Variants in LOC128462377 observed in about 807,000 individuals in gnomAD.
the LOC128462377 span, chr16:89,392,513 T>C: frequency 6.6e-6 from 1 of 151,982 alleles, no homozygotes. Flanking sequence ...CCAGTTCATG[T>C]TTTCCATGAG....
the LOC128462377 span, among the ~76,000 whole-genome samples, chr16:89,382,394 C>T: frequency 8.5e-3 from 1,296 of 152,140 alleles, 39 homozygotes; most frequent in East Asian, 0.034. Context: ...GGTGCAATCT[C>T]GGCTCACTGC....
At chr16:89,350,856 A>C in the LOC128462377 span, among the ~76,000 whole-genome samples, 1 of 152,144 alleles carries the variant, frequency 6.6e-6, no homozygotes. Context: ...ATGCTAATGG[A>C]GTGGAACGGG....
At chr16:89,355,516 A>G in the LOC128462377 span, among the ~76,000 whole-genome samples, 5 of 152,178 alleles carry the variant, frequency 3.3e-5, no homozygotes, top group Admixed American at 2.0e-4. Flanking sequence ...ACGTGGCCCC[A>G]TGTCCGGCAC....
the LOC128462377 span, among the ~76,000 whole-genome samples, chr16:89,376,473 C>T: frequency 3.3e-5 from 5 of 152,214 alleles, no homozygotes; most frequent in Non-Finnish European, 5.9e-5. Context: ...ACTCTTGTTC[C>T]GTCACCCAGG....
At chr16:89,367,762 C>T in the LOC128462377 span, among the ~76,000 whole-genome samples, 1 of 152,238 alleles carries the variant, frequency 6.6e-6, no homozygotes, top group East Asian at 1.9e-4. Context: ...GCTGCATGTC[C>T]ACCTGCTGCT....
the LOC128462377 span, among the ~76,000 whole-genome samples, chr16:89,346,209 C>T: frequency 5.6e-5 from 8 of 142,044 alleles, no homozygotes; most frequent in South Asian, 2.2e-4. Context: ...GATCACGCCA[C>T]GGCACTCCAG....
the LOC128462377 span, among the ~76,000 whole-genome samples, chr16:89,331,908 G>A: frequency 5.3e-5 from 8 of 152,194 alleles, no homozygotes; most frequent in African/African-American, 1.7e-4. Context: ...GCTCCTGCAC[G>A]TGGGCCCCAC....
the LOC128462377 span, among the ~76,000 whole-genome samples, chr16:89,341,741 GGTTA>G: frequency 9.2e-5 from 14 of 152,242 alleles, no homozygotes; most frequent in African/African-American, 3.4e-4. Context: ...AAGGTCCTTG[GGTTA>G]ACTCTCTCTG....
At chr16:89,317,817 G>T in the LOC128462377 span, among the ~76,000 whole-genome samples, 25 of 151,892 alleles carry the variant, frequency 1.6e-4, no homozygotes, top group African/African-American at 6.0e-4. Context: ...CAAGTTTCTG[G>T]CCAGGGAGAG....
the LOC128462377 span, among the ~76,000 whole-genome samples, chr16:89,393,334 G>T: frequency 7.0e-6 from 1 of 142,636 alleles, no homozygotes; most frequent in Non-Finnish European, 1.5e-5. Context: ...TTTTTGAGAC[G>T]GAGGCTTGCT....
the LOC128462377 span, among the ~76,000 whole-genome samples, chr16:89,359,755 A>T: frequency 6.6e-6 from 1 of 152,206 alleles, no homozygotes. Context: ...AGCCAGCAGA[A>T]GATGTTTGCA....
the LOC128462377 span, among the ~76,000 whole-genome samples, chr16:89,390,609 AAAG>A: frequency 6.6e-6 from 1 of 152,200 alleles, no homozygotes; most frequent in African/African-American, 2.4e-5. Flanking sequence ...ACAGAGGTGA[AAAG>A]AAAATCTTAA....
the LOC128462377 span, among the ~76,000 whole-genome samples, chr16:89,331,392 G>A: frequency 3.3e-5 from 5 of 152,184 alleles, no homozygotes; most frequent in African/African-American, 4.8e-5. Flanking sequence ...AGAAGACCCC[G>A]ATCTCTGACA....
the LOC128462377 span, chr16:89,343,600 G>C: frequency 6.6e-6 from 1 of 152,202 alleles, no homozygotes; most frequent in Non-Finnish European, 1.5e-5. Flanking sequence ...AATTCACCTC[G>C]TTCAGAACCT....
the LOC128462377 span, among the ~76,000 whole-genome samples, chr16:89,336,474 C>T: frequency 3.9e-5 from 6 of 152,222 alleles, no homozygotes; most frequent in South Asian, 2.1e-4. Context: ...AGGGGCCAGA[C>T]GGAGTCCAGG....
the LOC128462377 span, chr16:89,328,930 T>G: frequency 8.4e-6 from 1 of 118,706 alleles, no homozygotes; most frequent in Non-Finnish European, 1.7e-5. Context: ...CCCTGCTGAG[T>G]GAGTGGACAT....
At chr16:89,365,758 G>A in the LOC128462377 span, among the ~76,000 whole-genome samples, 3 of 152,026 alleles carry the variant, frequency 2.0e-5, no homozygotes, top group Admixed American at 6.6e-5. Flanking sequence ...GGTTTGTTAC[G>A]TAGGTAAACT....
the LOC128462377 span, among the ~76,000 whole-genome samples, chr16:89,319,413 G>A: frequency 3.3e-5 from 5 of 152,200 alleles, no homozygotes; most frequent in South Asian, 2.1e-4. Flanking sequence ...TACTTTTCAC[G>A]GCCTGCATCA....
the LOC128462377 span, among the ~76,000 whole-genome samples, chr16:89,361,332 G>A: frequency 5.3e-5 from 8 of 152,178 alleles, no homozygotes; most frequent in Non-Finnish European, 1.0e-4. Flanking sequence ...CGCCGGGGGC[G>A]GGGGGTGCTG....
Sources: allele counts gnomAD v4.1 joint callset (sites outside exome capture counted in the v4.1 genomes callset), GRCh38; gene constraint gnomAD v4.1.1; transcripts MANE v1.5.